Variants in STAC observed in about 807,000 individuals in gnomAD.
STAC encodes SH3 and cysteine rich domain.
STAC carries 43 observed loss-of-function variants against 48.8 expected under a neutral mutation model. The observed-to-expected ratio is 0.88, with a 90% CI of 0.69 to 1.14. The LOEUF (loss-of-function observed/expected upper bound fraction) is 1.14, where lower values mean the gene tolerates loss of function less well. STAC is among the 50% of genes most tolerant of loss of function. STAC has a pLI of 0.00. For missense variants in STAC, 497 were observed against 504.0 expected (o/e 0.99, Z 0.13); for synonymous variants, 193 against 179.5 (o/e 1.07, Z -0.60).
At chr3:36,483,797 A>T (rs1027760909) in intron 3 of STAC, among the ~76,000 whole-genome samples, 2 of 152,138 alleles carry the variant, frequency 1.3e-5, no homozygotes, top group Non-Finnish European at 2.9e-5. Flanking sequence ...ACAAAAATTT[A>T]AAAATTAGCT....
At chr3:36,457,517 A>G (rs1044639736) in intron 2 of STAC, among the ~76,000 whole-genome samples, 4 of 152,210 alleles carry the variant, frequency 2.6e-5, no homozygotes, top group Non-Finnish European at 5.9e-5. Context: ...AAATAGGGAA[A>G]AGGGGTTGAG....
intron 2 of STAC, among the ~76,000 whole-genome samples, chr3:36,460,103 T>C (rs539369578): frequency 3.9e-5 from 6 of 152,162 alleles, no homozygotes; most frequent in East Asian, 1.9e-4. Flanking sequence ...AGTTCTTCTA[T>C]GCAAAGGAAA....
At chr3:36,424,195 T>C (rs1219189984) in intron 1 of STAC, among the ~76,000 whole-genome samples, 6 of 152,094 alleles carry the variant, frequency 3.9e-5, no homozygotes, top group Non-Finnish European at 8.8e-5. Flanking sequence ...CTCTTTTAAG[T>C]AGATTCTCTG....
At chr3:36,462,027 G>A (rs889604240) in intron 2 of STAC, among the ~76,000 whole-genome samples, 4 of 152,124 alleles carry the variant, frequency 2.6e-5, no homozygotes, top group African/African-American at 9.7e-5. Flanking sequence ...AGAACAGTTA[G>A]GAGGCTATTA....
chr3:36,399,346 C>T (rs557954560), intron 1 of STAC, among the ~76,000 whole-genome samples: 192 of 152,258 alleles, frequency 1.3e-3, no homozygotes, highest in Admixed American at 4.7e-3. Flanking sequence ...CTCCAATATT[C>T]GGAATTTTAT....
chr3:36,542,804 T>C (rs1699359646), intron 10 of STAC, among the ~76,000 whole-genome samples: 1 of 152,210 alleles, frequency 6.6e-6, no homozygotes, highest in African/African-American at 2.4e-5. Flanking sequence ...TCAATAAATG[T>C]CAGCTGGGAC....
At chr3:36,382,562 C>G (rs976525569) in intron 1 of STAC, among the ~76,000 whole-genome samples, 1 of 152,152 alleles carries the variant, frequency 6.6e-6, no homozygotes, top group Non-Finnish European at 1.5e-5. Flanking sequence ...CCTCAGTAAG[C>G]TTAATTAGTG....
intron 1 of STAC, among the ~76,000 whole-genome samples, chr3:36,400,244 T>A (rs79287010): frequency 0.2 from 30,298 of 152,186 alleles, 3,166 homozygotes; most frequent in Admixed American, 0.23. Context: ...AATGGATAGA[T>A]ACAGAGATAG....
At chr3:36,412,612 C>G (rs1700221904) in intron 1 of STAC, among the ~76,000 whole-genome samples, 5 of 152,092 alleles carry the variant, frequency 3.3e-5, no homozygotes, top group African/African-American at 9.7e-5. Flanking sequence ...TATTCTTTCA[C>G]ATTTAGATTT....
intron 2 of STAC, among the ~76,000 whole-genome samples, chr3:36,477,621 T>G (rs944501107): frequency 2.0e-5 from 3 of 152,238 alleles, no homozygotes; most frequent in African/African-American, 7.2e-5. Context: ...GACAGCTTGC[T>G]TAAGCATAGT....
At chr3:36,491,776 G>A (rs1697973022) in intron 5 of STAC, among the ~76,000 whole-genome samples, 1 of 151,318 alleles carries the variant, frequency 6.6e-6, no homozygotes, top group Non-Finnish European at 1.5e-5. Context: ...CACTTTGGGA[G>A]GCTGAGGCAG....
At chr3:36,507,112 G>A (rs1294799462) in intron 8 of STAC, among the ~76,000 whole-genome samples, 4 of 152,106 alleles carry the variant, frequency 2.6e-5, no homozygotes, top group African/African-American at 9.7e-5. Flanking sequence ...CTTAGTTTAT[G>A]AGAGTTTTTA....
chr3:36,519,481 T>C (rs1204253724), intron 8 of STAC, among the ~76,000 whole-genome samples: 2 of 152,222 alleles, frequency 1.3e-5, no homozygotes, highest in African/African-American at 4.8e-5. Flanking sequence ...ACCACACTTT[T>C]GATCCTAGGT....
intron 8 of STAC, among the ~76,000 whole-genome samples, chr3:36,507,366 G>C (rs574031537): frequency 6.6e-6 from 1 of 152,246 alleles, no homozygotes; most frequent in Admixed American, 6.5e-5. Flanking sequence ...CAGGGATATT[G>C]GCCTGAAATT....
At chr3:36,438,135 CCA>C (rs1169411972) in intron 1 of STAC, among the ~76,000 whole-genome samples, 3 of 152,122 alleles carry the variant, frequency 2.0e-5, no homozygotes, top group Non-Finnish European at 4.4e-5. Context: ...CAGGGTTTCT[CCA>C]TGTTGGTCAG....
chr3:36,385,877 T>C (rs1332168018), intron 1 of STAC, among the ~76,000 whole-genome samples: 1 of 152,136 alleles, frequency 6.6e-6, no homozygotes, highest in East Asian at 1.9e-4. Flanking sequence ...GAACACAGTT[T>C]ATTTACCTAC....
At chr3:36,382,504 T>G (rs1251533643) in intron 1 of STAC, among the ~76,000 whole-genome samples, 1 of 152,212 alleles carries the variant, frequency 6.6e-6, no homozygotes, top group Non-Finnish European at 1.5e-5. Context: ...CTCAAAGTGG[T>G]CTATACACCG....
intron 6 of STAC, among the ~76,000 whole-genome samples, chr3:36,493,763 ATTAT>A (rs1173231298): frequency 1.3e-5 from 2 of 152,178 alleles, no homozygotes; most frequent in African/African-American, 4.8e-5. Flanking sequence ...CTATATTAAA[ATTAT>A]TTAATCTAAT....
chr3:36,407,782 C>T (rs1328007987), intron 1 of STAC, among the ~76,000 whole-genome samples: 1 of 152,174 alleles, frequency 6.6e-6, no homozygotes, highest in Non-Finnish European at 1.5e-5. Context: ...CAGCTTAAAG[C>T]AACACAAAGT....
Sources: gnomAD v4.1 joint callset for allele counts (sites outside exome capture counted in the v4.1 genomes callset) on GRCh38, gnomAD v4.1.1 for gene constraint, MANE v1.5 for transcripts, NCBI Gene and HGNC (gene_info 2026-07-23, HGNC 2026-07-21) for gene names.